The following CHUK variants were observed in gnomAD, a reference collection of about 807,000 sequenced individuals.
The protein encoded by CHUK is inhibitor of nuclear factor kappa-B kinase subunit alpha.
A neutral mutation model predicts 104.8 loss-of-function variants in CHUK; 35 were observed. The ratio of observed to expected loss-of-function variants is 0.33; its 90% CI spans 0.26 to 0.44. The LOEUF (loss-of-function observed/expected upper bound fraction) is 0.44, where lower values mean the gene tolerates loss of function less well. Among genes scored for constraint, CHUK ranks in the 20% least tolerant of loss-of-function variants. The probability of loss-of-function intolerance (pLI) is 1.00; values close to 1 mark genes in which losing one functional copy is unlikely to be tolerated. For synonymous variants in CHUK, 276 were observed against 291.9 expected (o/e 0.95, Z 0.56); for missense variants, 663 against 902.7 (o/e 0.73, Z 3.40).
At chr10:100,213,923 CTTA>C (rs1564838067) in intron 9 of CHUK, among the ~76,000 whole-genome samples, 1 of 152,174 alleles carries the variant, frequency 6.6e-6, no homozygotes, top group African/African-American at 2.4e-5. Flanking sequence ...CAGTATTTCT[CTTA>C]TTAAGAGACT....
chr10:100,219,482 A>C, intron 5 of CHUK, 123 bp from the exon 6 acceptor site: 1 of 661,834 alleles, frequency 1.5e-6, no homozygotes, highest in South Asian at 1.7e-5. Context: ...GTAATAACAC[A>C]AAAATATTTC....
chr10:100,211,589 T>C (rs934603028), intron 9 of CHUK, among the ~76,000 whole-genome samples: 2 of 152,214 alleles, frequency 1.3e-5, no homozygotes, highest in Admixed American at 6.5e-5. Context: ...GCAGTATTTC[T>C]CTTTCTGTGA....
In CHUK at chr10:100,229,420, C is replaced by A. The variant is rs1230060139; in HGVS notation, c.105+8G>T. The A allele has an allele frequency of 1.9e-6, 3 of 1,599,160 alleles. No individual in the cohort carries two copies. The highest frequency in any genetic ancestry group is 8.5e-7 in the Non-Finnish European group (1 of 1,174,388). On this transcript the variant is annotated splice_region_variant and intron_variant, in intron 1 of 20. Coordinates refer to ENST00000370397, the MANE Select transcript of CHUK (RefSeq NM_001278.5). ...CCCACCGCCGCTCCCTCTCACGCCC[C>A]GCCTCACCCGATGCTGGTACAGACA...
chr10:100,212,454 A>G (rs1006808756), intron 9 of CHUK, among the ~76,000 whole-genome samples: 1 of 152,158 alleles, frequency 6.6e-6, no homozygotes, highest in African/African-American at 2.4e-5. Context: ...AGAAGTGTCT[A>G]ATTCAGGTCC....
intron 1 of CHUK, among the ~76,000 whole-genome samples, chr10:100,227,712 C>T (rs1399113844): frequency 1.3e-5 from 2 of 152,146 alleles, no homozygotes; most frequent in Non-Finnish European, 2.9e-5. Context: ...CACAAAACTT[C>T]CTCAGTTCTA....
intron 16 of CHUK, among the ~76,000 whole-genome samples, chr10:100,196,395 T>G (rs1327005796): frequency 6.6e-6 from 1 of 151,308 alleles, no homozygotes; most frequent in African/African-American, 2.4e-5. Flanking sequence ...GTTTTTTTTT[T>G]TTTTTTTTTT....
chr10:100,191,573 T>C (rs1017514719), intron 19 of CHUK, among the ~76,000 whole-genome samples: 3 of 152,212 alleles, frequency 2.0e-5, no homozygotes, highest in Admixed American at 1.3e-4. Flanking sequence ...AAGTTCATAT[T>C]TGAAGGCAGT....
chr10:100,200,069 T>C, intron 15 of CHUK, 49 bp from the exon 16 acceptor site: 1 of 1,299,800 alleles, frequency 7.7e-7, no homozygotes, highest in African/African-American at 1.5e-5. Context: ...TTTAATGACT[T>C]CAATAATCTA....
intron 5 of CHUK, among the ~76,000 whole-genome samples, chr10:100,219,982 A>G (rs761761713): frequency 1.3e-5 from 2 of 152,200 alleles, no homozygotes; most frequent in Non-Finnish European, 2.9e-5. Context: ...ACACAACTCA[A>G]CACAAGGTTC....
At chr10:100,228,993 G>GCGCACACACACACACA (rs764914118) in intron 1 of CHUK, among the ~76,000 whole-genome samples, 197 of 133,542 alleles carry the variant, frequency 1.5e-3, no homozygotes, top group East Asian at 7.6e-3. Flanking sequence ...GCGCGCGCGC[G>GCGCACACACACACACA]CACACACACA....
intron 1 of CHUK, among the ~76,000 whole-genome samples, chr10:100,228,989 GCGCGCACACA>G (rs1846168741): frequency 1.4e-5 from 1 of 73,768 alleles, no homozygotes; most frequent in South Asian, 3.5e-4. Context: ...GCGCGCGCGC[GCGCGCACACA>G]CACACACACA....
At chr10:100,202,631 T>C (rs1845496839) in intron 13 of CHUK, among the ~76,000 whole-genome samples, 1 of 152,204 alleles carries the variant, frequency 6.6e-6, no homozygotes, top group African/African-American at 2.4e-5. Flanking sequence ...AGACAGTAAG[T>C]TTCCATTGCT....
chr10:100,217,395 T>C (rs968336142), intron 9 of CHUK, among the ~76,000 whole-genome samples: 3 of 152,168 alleles, frequency 2.0e-5, no homozygotes, highest in Non-Finnish European at 4.4e-5. Context: ...GATAGGAACC[T>C]TCCTTACCAA....
intron 2 of CHUK, among the ~76,000 whole-genome samples, chr10:100,224,755 CTGAAA>C (rs1350676157): frequency 1.3e-5 from 2 of 152,238 alleles, no homozygotes; most frequent in East Asian, 1.9e-4. Flanking sequence ...CTTTTGTTAA[CTGAAA>C]TGAAATAGTT....
In CHUK at chr10:100,223,664, A is replaced by G. The variant is rs544095721; in HGVS notation, c.201-684T>C. On this transcript the variant is annotated intron_variant, in intron 2 of 20. Coordinates refer to ENST00000370397, the MANE Select transcript of CHUK (RefSeq NM_001278.5). Reference sequence around the variant, plus strand: ...GCAAACAGAATTTCCATGTACATGTAGGACCTGATAATTTATACTATTAAG... The same window carrying G: ...GCAAACAGAATTTCCATGTACATGTGGGACCTGATAATTTATACTATTAAG... Among the ~76,000 whole-genome samples the G allele has an allele frequency of 2.0e-5, 3 of 152,284 alleles. No individual in the cohort carries two copies. The East Asian group carries it at 5.8e-4, about 29-fold the overall frequency.
chr10:100,220,004 C>CT (rs1433702619), intron 5 of CHUK, among the ~76,000 whole-genome samples: 1 of 152,072 alleles, frequency 6.6e-6, no homozygotes, highest in African/African-American at 2.4e-5. Flanking sequence ...GACTCTTGGC[C>CT]TTTAAGTCTT....
intron 2 of CHUK, among the ~76,000 whole-genome samples, chr10:100,225,330 C>T (rs12247992): frequency 0.2 from 30,440 of 152,158 alleles, 5,453 homozygotes; most frequent in African/African-American, 0.48. Flanking sequence ...AGGTACCACA[C>T]ATAAGTGGAA....
intron 5 of CHUK, 110 bp downstream of exon 5, chr10:100,220,478 A>T: frequency 1.2e-6 from 1 of 807,630 alleles, no homozygotes; most frequent in East Asian, 2.5e-5. Context: ...CTGAAATGGA[A>T]AAAGTAAGAC....
At chr10:100,199,372 G>C (rs1845410987) in intron 16 of CHUK, among the ~76,000 whole-genome samples, 1 of 152,120 alleles carries the variant, frequency 6.6e-6, no homozygotes, top group Admixed American at 6.5e-5. Context: ...TGTCACCCAG[G>C]CTGGAGTGCA....
Sources: allele counts gnomAD v4.1 joint callset (sites outside exome capture counted in the v4.1 genomes callset), GRCh38; gene constraint gnomAD v4.1.1; transcripts MANE v1.5; gene names NCBI Gene and HGNC (gene_info 2026-07-23, HGNC 2026-07-21).